Variants in SPOCK3 observed in about 807,000 individuals in gnomAD.
SPOCK3 encodes testican-3.
SPOCK3 carries 30 observed loss-of-function variants against 56.6 expected under a neutral mutation model. That is an observed-to-expected ratio of 0.53 (90% CI 0.40 to 0.72). The LOEUF is 0.72. Among genes scored for constraint, SPOCK3 ranks in the 30% least tolerant of loss-of-function variants. The probability of loss-of-function intolerance (pLI) is 0.00; values close to 1 mark genes in which losing one functional copy is unlikely to be tolerated. For missense variants in SPOCK3, 527 were observed against 530.0 expected, an observed-to-expected ratio of 0.99 and a Z score of 0.06; for synonymous variants, 196 against 183.3, an observed-to-expected ratio of 1.07 and a Z score of -0.56.
At chr4:166,934,977 CTG>C (rs775057916) in intron 4 of SPOCK3, among the ~76,000 whole-genome samples, 2 of 151,876 alleles carry the variant, frequency 1.3e-5, no homozygotes, top group African/African-American at 2.4e-5. Flanking sequence ...TTAGAGGAAA[CTG>C]TGAGTAAAGT....
chr4:167,059,371 C>T (rs1298876553), intron 3 of SPOCK3, among the ~76,000 whole-genome samples: 8 of 152,136 alleles, frequency 5.3e-5, no homozygotes, highest in African/African-American at 1.9e-4. Flanking sequence ...CAAAAGAAGA[C>T]ATTCATGCAG....
intron 4 of SPOCK3, among the ~76,000 whole-genome samples, chr4:166,929,650 T>C (rs1321199237): frequency 1.3e-5 from 2 of 152,164 alleles, no homozygotes; most frequent in Non-Finnish European, 2.9e-5. Context: ...CTCCACTATC[T>C]GTTCAGTTCT....
chr4:167,123,678 C>A (rs1762049492), intron 2 of SPOCK3, among the ~76,000 whole-genome samples: 1 of 151,580 alleles, frequency 6.6e-6, no homozygotes, highest in Non-Finnish European at 1.5e-5. Context: ...AGTACTCAGT[C>A]AGTCATATTT....
chr4:166,794,611 T>A (rs1401523232), intron 6 of SPOCK3, among the ~76,000 whole-genome samples: 1 of 151,676 alleles, frequency 6.6e-6, no homozygotes, highest in East Asian at 1.9e-4. Flanking sequence ...CCAGCAATTG[T>A]TTCTTTTTCT....
intron 2 of SPOCK3, among the ~76,000 whole-genome samples, chr4:167,121,529 C>T (rs550438426): frequency 1.9e-3 from 285 of 150,570 alleles, no homozygotes; most frequent in African/African-American, 6.5e-3. Flanking sequence ...GGAGCTAAAT[C>T]AAGTGATAGG....
intron 4 of SPOCK3, among the ~76,000 whole-genome samples, chr4:166,964,958 A>G (rs1579826130): frequency 6.6e-6 from 1 of 151,860 alleles, no homozygotes; most frequent in African/African-American, 2.4e-5. Context: ...AAAAATACCA[A>G]TCTCTCTTGT....
At chr4:167,147,850 T>C (rs1229010383) in intron 2 of SPOCK3, among the ~76,000 whole-genome samples, 1 of 151,880 alleles carries the variant, frequency 6.6e-6, no homozygotes, top group Non-Finnish European at 1.5e-5. Context: ...AGGAGAAATA[T>C]CTAATGTAGG....
At chr4:167,047,414 T>A (rs1753830856) in intron 3 of SPOCK3, among the ~76,000 whole-genome samples, 1 of 152,228 alleles carries the variant, frequency 6.6e-6, no homozygotes, top group Non-Finnish European at 1.5e-5. Flanking sequence ...TATTGATTGA[T>A]AACTAGTCGT....
At chr4:167,031,476 A>G (rs565894053) in intron 3 of SPOCK3, among the ~76,000 whole-genome samples, 1 of 152,180 alleles carries the variant, frequency 6.6e-6, no homozygotes, top group East Asian at 1.9e-4. Context: ...ATTTAAGAAC[A>G]CATTCCAATA....
At chr4:167,230,497 C>G (rs79768566) in intron 2 of SPOCK3, among the ~76,000 whole-genome samples, 3,419 of 129,854 alleles carry the variant, frequency 0.026, 163 homozygotes, top group African/African-American at 0.095. Context: ...CAGAGCCCCC[C>G]ACCAAAAAAA....
chr4:167,140,171 G>T (rs545526830), intron 2 of SPOCK3, among the ~76,000 whole-genome samples: 1 of 152,132 alleles, frequency 6.6e-6, no homozygotes, highest in Non-Finnish European at 1.5e-5. Context: ...TGATGCATTA[G>T]TTTACTTTTA....
chr4:167,084,307 T>C (rs1351510799), intron 2 of SPOCK3, among the ~76,000 whole-genome samples: 1 of 152,154 alleles, frequency 6.6e-6, no homozygotes, highest in Non-Finnish European at 1.5e-5. Flanking sequence ...ATAATAACAT[T>C]GGTTCTACCA....
intron 6 of SPOCK3, among the ~76,000 whole-genome samples, chr4:166,840,820 C>T (rs762570319): frequency 2.8e-4 from 37 of 132,972 alleles, no homozygotes; most frequent in East Asian, 5.3e-4. Context: ...GCTCTGTCGC[C>T]CAGGCTGGAG....
At chr4:167,178,530 T>C (rs914111543) in intron 2 of SPOCK3, among the ~76,000 whole-genome samples, 7 of 152,152 alleles carry the variant, frequency 4.6e-5, no homozygotes, top group Non-Finnish European at 5.9e-5. Context: ...CTTCCTAACA[T>C]TTTATGTTAA....
intron 5 of SPOCK3, among the ~76,000 whole-genome samples, chr4:166,900,986 A>G (rs12649478): frequency 0.029 from 4,417 of 152,196 alleles, 184 homozygotes; most frequent in African/African-American, 0.09. Flanking sequence ...ATGTCCTTGT[A>G]TGTCTCTCAA....
At chr4:167,014,546 TCAC>T (rs1482730168) in intron 3 of SPOCK3, among the ~76,000 whole-genome samples, 1 of 152,020 alleles carries the variant, frequency 6.6e-6, no homozygotes, top group Admixed American at 6.6e-5. Context: ...TCTCAGCTAC[TCAC>T]AAAGTTAAGG....
chr4:166,869,447 A>G (rs1396601816), intron 6 of SPOCK3, among the ~76,000 whole-genome samples: 1 of 152,100 alleles, frequency 6.6e-6, no homozygotes, highest in Non-Finnish European at 1.5e-5. Context: ...TCTGGGTGAG[A>G]AGATAACAAT....
chr4:166,801,355 A>G (rs1206994369), intron 6 of SPOCK3, among the ~76,000 whole-genome samples: 1 of 152,160 alleles, frequency 6.6e-6, no homozygotes, highest in Non-Finnish European at 1.5e-5. Context: ...CCCTACCAAA[A>G]AAAGGGGAAT....
chr4:167,114,073 A>C (rs978004321), intron 2 of SPOCK3, among the ~76,000 whole-genome samples: 2 of 152,142 alleles, frequency 1.3e-5, no homozygotes, highest in Non-Finnish European at 2.9e-5. Context: ...AAGAGATTAA[A>C]AAGTCACAGG....
Sources: allele counts gnomAD v4.1 joint callset (sites outside exome capture counted in the v4.1 genomes callset), GRCh38; gene constraint gnomAD v4.1.1; transcripts MANE v1.5; gene names NCBI Gene and HGNC (gene_info 2026-07-23, HGNC 2026-07-21).